SYNE2: variants seen among roughly 807,000 people sequenced by gnomAD.
The protein encoded by SYNE2 is spectrin repeat containing nuclear envelope protein 2.
SYNE2 carries 431 observed loss-of-function variants against 856.3 expected under a neutral mutation model. The ratio of observed to expected loss-of-function variants is 0.50; its 90% CI spans 0.47 to 0.55. The LOEUF is 0.55. Ranked by LOEUF, SYNE2 falls within the 20% of genes least tolerant of loss-of-function variation. SYNE2 has a pLI of 0.00. For missense variants in SYNE2, 8,129 were observed against 8,023.2 expected, an observed-to-expected ratio of 1.01 and a Z score of -0.50; for synonymous variants, 2,923 against 2,872.3, an observed-to-expected ratio of 1.02 and a Z score of -0.56.
chr14:64,059,208 G>A (rs941732429), intron 49 of SYNE2, among the ~76,000 whole-genome samples: 10 of 152,114 alleles, frequency 6.6e-5, no homozygotes, highest in Non-Finnish European at 2.9e-5. Flanking sequence ...TTCATGGATG[G>A]TCTTGATGCT....
intron 23 of SYNE2, 58 bp from the exon 24 acceptor site, chr14:63,996,889 A>G: frequency 3.3e-6 from 5 of 1,516,438 alleles, no homozygotes; most frequent in South Asian, 2.3e-5. Flanking sequence ...TCTAGTCCTT[A>G]TGGAATAATC....
At chr14:63,818,024 C>CAAAAAAA (rs34186501) in intron 1 of SYNE2, among the ~76,000 whole-genome samples, 2 of 64,764 alleles carry the variant, frequency 3.1e-5, no homozygotes, top group Non-Finnish European at 2.7e-5. Context: ...GACCCTTTCT[C>CAAAAAAA]AAAAAAAAAA....
At chr14:63,946,382 T>G (rs1307539358) in intron 6 of SYNE2, among the ~76,000 whole-genome samples, 1 of 151,786 alleles carries the variant, frequency 6.6e-6, no homozygotes, top group African/African-American at 2.4e-5. Flanking sequence ...GAGCCGTGAC[T>G]GGGCTACTGC....
rs1349806549 is a variant in SYNE2 at position 63,981,275 on chromosome 14, C to G, written c.1836+102C>G. On this transcript the variant is annotated intron_variant, in intron 16 of 115. Transcript: ENST00000555002. Reference sequence around the variant, plus strand: ...AGATGAGAAAACAGAGAAGAGTACACCAGTGTTTTGGAAAATTCTTCAAGG... The same window carrying G: ...AGATGAGAAAACAGAGAAGAGTACAGCAGTGTTTTGGAAAATTCTTCAAGG... 14 of 1,064,232 alleles carry G rather than the reference C, an allele frequency of 1.3e-5. No homozygotes were observed. The South Asian group carries it at 1.8e-4, about 13-fold the overall frequency. The allele number at this position is 1,064,232 out of a possible 1,614,324, so 65.9% of individuals were successfully genotyped here.
intron 84 of SYNE2, among the ~76,000 whole-genome samples, chr14:64,150,000 T>C (rs2098225014): frequency 7.1e-6 from 1 of 141,114 alleles, no homozygotes; most frequent in Non-Finnish European, 1.5e-5. Flanking sequence ...GCTTTTTTTT[T>C]TCTTTTCTTT....
At chr14:63,781,227 G>A (rs146913899) in intron 1 of SYNE2, among the ~76,000 whole-genome samples, 2,899 of 150,258 alleles carry the variant, frequency 0.019, 90 homozygotes, top group African/African-American at 0.068. Context: ...GCGGTGAGCC[G>A]AGATCGCGCC....
chr14:64,210,391 G>A (rs772716767), intron 103 of SYNE2, among the ~76,000 whole-genome samples: 16 of 152,190 alleles, frequency 1.1e-4, no homozygotes, highest in Admixed American at 2.0e-4. Flanking sequence ...TCTGTAACCC[G>A]TGGTGGTGTG....
intron 32 of SYNE2, among the ~76,000 whole-genome samples, chr14:64,011,576 T>C (rs1332486910): frequency 3.9e-5 from 6 of 152,184 alleles, no homozygotes; most frequent in Non-Finnish European, 8.8e-5. Flanking sequence ...CTCTGCCTTA[T>C]TCAACAGACC....
intron 1 of SYNE2, among the ~76,000 whole-genome samples, chr14:63,888,325 G>T (rs929872040): frequency 6.6e-6 from 1 of 152,100 alleles, no homozygotes; most frequent in African/African-American, 2.4e-5. Context: ...AGGCCTGGGT[G>T]GGGGGCACCG....
chr14:63,871,269 G>A (rs1896768328), intron 1 of SYNE2, among the ~76,000 whole-genome samples: 1 of 151,606 alleles, frequency 6.6e-6, no homozygotes, highest in Non-Finnish European at 1.5e-5. Flanking sequence ...GCAATGGCTG[G>A]ATCTCAGCTC....
intron 1 of SYNE2, among the ~76,000 whole-genome samples, chr14:63,803,120 C>T (rs969729821): frequency 5.3e-5 from 8 of 152,176 alleles, no homozygotes; most frequent in African/African-American, 1.9e-4. Context: ...TGTCAGGGTG[C>T]TGATTGGTGC....
chr14:64,051,786 TATG>T lies in SYNE2; in HGVS notation c.7878_7880del (p.Asp2626del), dbSNP rs768690976. The T allele has an allele frequency of 1.2e-6, 2 of 1,614,076 alleles. No homozygotes were observed. Among genetic ancestry groups the T allele is most frequent in the African/African-American group, 2.7e-5 (2 of 74,930 alleles). On this transcript the variant is annotated inframe_deletion, in exon 48 of 116. Coordinates refer to ENST00000555002, the MANE Select transcript of SYNE2 (RefSeq NM_182914.3). ...GAAGTATTCTCAGCAGGTAGTGGAA[TATG>T]ATGAATTTACAACCCTCATGAATAA... is the stretch of plus-strand genomic sequence containing the variant.
chr14:64,075,842 A>G (rs2097454155), intron 53 of SYNE2, 103 bp from the exon 54 acceptor site: 6 of 1,285,616 alleles, frequency 4.7e-6, no homozygotes, highest in Non-Finnish European at 5.6e-6. Context: ...TGCAAACTGC[A>G]CTCCTTTAAA....
chr14:64,167,060 T>C (rs1895984767), intron 90 of SYNE2, 173 bp from the exon 91 acceptor site: 2 of 733,008 alleles, frequency 2.7e-6, no homozygotes, highest in Non-Finnish European at 4.5e-6. Flanking sequence ...GGCACAGCAT[T>C]GAGATAGCTG....
intron 65 of SYNE2, chr14:64,113,045 C>T (rs2097824314): frequency 6.1e-6 from 6 of 985,268 alleles, no homozygotes; most frequent in African/African-American, 1.7e-5. Context: ...CACCCTGTCA[C>T]TCACATTCTC....
Position 64,113,524 on chromosome 14 carries a change from A to G in SYNE2, c.12793A>G (p.Asn4265Asp). The change falls in exon 66 of 116, where the codon AAC becomes GAC. Residue 4265 changes from asparagine (N) to aspartate (D), a missense_variant. By Grantham distance (23) the Asn-to-Asp change is conservative. Around this residue, in one of 3 missense-constraint regions of SYNE2, gnomAD observed 5,410 missense variants for 5,284.8 expected, o/e 1.02. Transcript: ENST00000555002. ...CGTGGCAGTTGAGCCGGAAACATTA[A>G]ACGCAGACATGCAGCAGGTGCTGGA... is the stretch of plus-strand genomic sequence containing the variant. Reference protein sequence around the residue: ...ANVAVEPETLNADMQQVLEQQ... With the variant: ...ANVAVEPETLDADMQQVLEQQ... 1.2e-6 allele frequency: 2 copies of G among 1,613,770 alleles called. No individual in the cohort carries two copies. The highest frequency in any genetic ancestry group is 2.2e-5 in the South Asian group (2 of 90,972).
At position 64,107,422 on chromosome 14, in the gene SYNE2, C is replaced by A. The variant is rs10135310; in HGVS notation, c.12493-69C>A. 0.099 allele frequency: 132,744 copies of A among 1,346,174 alleles called. 9,589 individuals are homozygous for A. Among genetic ancestry groups the A allele is most frequent in the East Asian group, 0.34 (14,967 of 43,472 alleles). The allele number at this position is 1,346,174 out of a possible 1,614,324, so 83.4% of individuals were successfully genotyped here. A position where few individuals can be genotyped will look rare whatever the true frequency, so the allele number is the denominator to read the frequency against. On this transcript the variant is annotated intron_variant, in intron 64 of 115. Coordinates refer to ENST00000555002, the MANE Select transcript of SYNE2 (RefSeq NM_182914.3). ...GCAGGTAGTTTGTAAAATGAGCATGCGCAGAAAGAAGAATTCATGTGGCAC... is the reference window on the plus strand; with the variant it reads ...GCAGGTAGTTTGTAAAATGAGCATGAGCAGAAAGAAGAATTCATGTGGCAC...
intron 1 of SYNE2, among the ~76,000 whole-genome samples, chr14:63,881,089 C>T (rs915745988): frequency 3.3e-5 from 5 of 151,958 alleles, no homozygotes; most frequent in African/African-American, 9.6e-5. Context: ...ACCTTGTGAT[C>T]TGCCCGCCTC....
chr14:63,958,397 G>C (rs79601468), intron 8 of SYNE2, among the ~76,000 whole-genome samples: 1 of 152,110 alleles, frequency 6.6e-6, no homozygotes, highest in African/African-American at 2.4e-5. Context: ...GAGATTACTG[G>C]TTAGGTATTT....
Sources: allele counts gnomAD v4.1 joint callset (sites outside exome capture counted in the v4.1 genomes callset), GRCh38; gene constraint gnomAD v4.1.1; regional missense constraint gnomAD v4.1.1; transcripts MANE v1.5; gene names NCBI Gene and HGNC (gene_info 2026-07-23, HGNC 2026-07-21).